UNC5D: variants seen among roughly 807,000 people sequenced by gnomAD.
UNC5D encodes unc-5 netrin receptor D, also known as netrin receptor UNC5D.
In UNC5D, 39 loss-of-function variants were observed where a neutral mutation model predicts 105.4. The ratio of observed to expected loss-of-function variants is 0.37; its 90% confidence interval spans 0.29 to 0.48. UNC5D has a LOEUF of 0.48. Among genes scored for constraint, UNC5D ranks in the 20% least tolerant of loss-of-function variants. The pLI, the probability that UNC5D is intolerant of heterozygous loss-of-function variation, is 0.98. For synonymous variants in UNC5D, 452 were observed against 450.4 expected (o/e 1.00, Z -0.04); for missense variants, 991 against 1,202.4 (o/e 0.82, Z 2.60).
intron 4 of UNC5D, among the ~76,000 whole-genome samples, chr8:35,651,929 G>T (rs1299760779): frequency 1.3e-5 from 2 of 152,108 alleles, no homozygotes; most frequent in Non-Finnish European, 2.9e-5. Context: ...TTGTATCCAG[G>T]TTTCAGATAT....
intron 1 of UNC5D, among the ~76,000 whole-genome samples, chr8:35,387,003 G>T (rs1199737119): frequency 7.8e-6 from 1 of 128,424 alleles, no homozygotes; most frequent in Non-Finnish European, 1.7e-5. Flanking sequence ...ATGATGGATG[G>T]TGAGAAGGAA....
At chr8:35,316,818 T>C (rs776830993) in intron 1 of UNC5D, among the ~76,000 whole-genome samples, 5 of 152,194 alleles carry the variant, frequency 3.3e-5, no homozygotes, top group Non-Finnish European at 7.3e-5. Flanking sequence ...TCATTGCTTA[T>C]ATTACTTTGC....
intron 4 of UNC5D, among the ~76,000 whole-genome samples, chr8:35,606,039 G>A (rs1322434863): frequency 6.6e-6 from 1 of 151,402 alleles, no homozygotes; most frequent in African/African-American, 2.4e-5. Flanking sequence ...CCAGGCTGGA[G>A]TGCAACGGTG....
chr8:35,610,571 C>T (rs1820605387), intron 4 of UNC5D, among the ~76,000 whole-genome samples: 1 of 152,068 alleles, frequency 6.6e-6, no homozygotes, highest in Non-Finnish European at 1.5e-5. Context: ...GGGCAAGGAG[C>T]ACAGGTTTGA....
intron 1 of UNC5D, among the ~76,000 whole-genome samples, chr8:35,398,133 A>T (rs1425698165): frequency 2.0e-5 from 3 of 152,202 alleles, no homozygotes; most frequent in Non-Finnish European, 4.4e-5. Context: ...AAGATAGAGA[A>T]TCACATAATT....
Position 35,722,200 on chromosome 8 carries a change from T to C in UNC5D, c.1118-10T>C. The C allele has an allele frequency of 6.2e-7, 1 of 1,611,416 alleles. No individual in the cohort carries two copies. Among genetic ancestry groups the C allele is most frequent in the Non-Finnish European group, 8.5e-7 (1 of 1,179,050 alleles). The stretch of plus-strand genomic sequence containing the variant: ...TGCTGGTCACTTACAATTTCTCTTG[T>C]GTCTTTCAGGCATTGAGAATGCCAG... On this transcript the variant is annotated splice_polypyrimidine_tract_variant and intron_variant, in intron 8 of 16. Coordinates refer to ENST00000404895, the MANE Select transcript of UNC5D (RefSeq NM_080872.4).
At chr8:35,438,204 G>A (rs560100480) in intron 1 of UNC5D, among the ~76,000 whole-genome samples, 10 of 152,138 alleles carry the variant, frequency 6.6e-5, no homozygotes, top group East Asian at 3.9e-4. Context: ...CCAGACAGAC[G>A]TGGCTTTGAA....
intron 3 of UNC5D, among the ~76,000 whole-genome samples, chr8:35,591,753 G>A (rs1457540209): frequency 6.6e-6 from 1 of 152,150 alleles, no homozygotes; most frequent in Admixed American, 6.6e-5. Context: ...ACTGGGAATA[G>A]AGGAGTGAAA....
Position 35,371,797 on chromosome 8 carries a change from G to T in UNC5D, c.103+135910G>T, listed in dbSNP as rs77679517. ...CTTTTAGTTTTATTTGCCTTGCTGT[G>T]TATTACGGTGTTTCCACATAATGTC... On this transcript the variant is annotated intron_variant, in intron 1 of 16. Coordinates refer to ENST00000404895, the MANE Select transcript of UNC5D (RefSeq NM_080872.4). Among the ~76,000 whole-genome samples the T allele has an allele frequency of 1.4e-3, 212 of 152,256 alleles. 3 individuals are homozygous for T. In the East Asian group the frequency reaches 0.035, roughly 25 times the overall value.
chr8:35,353,498 C>T (rs1379395167), intron 1 of UNC5D, among the ~76,000 whole-genome samples: 1 of 152,118 alleles, frequency 6.6e-6, no homozygotes, highest in African/African-American at 2.4e-5. Flanking sequence ...ATTATTTAAA[C>T]TATGAACCCA....
intron 16 of UNC5D, among the ~76,000 whole-genome samples, chr8:35,787,789 A>G (rs1020291647): frequency 6.6e-6 from 1 of 151,846 alleles, no homozygotes; most frequent in Admixed American, 6.6e-5. Context: ...TGGCTAATTT[A>G]TTTTATTTTT....
chr8:35,687,270 T>C (rs905784553), intron 7 of UNC5D, among the ~76,000 whole-genome samples: 1 of 151,876 alleles, frequency 6.6e-6, no homozygotes, highest in Admixed American at 6.6e-5. Context: ...GGTGAAACCC[T>C]GTCTCTACGA....
At chr8:35,623,924 C>A (rs1390004836) in intron 4 of UNC5D, among the ~76,000 whole-genome samples, 1 of 151,982 alleles carries the variant, frequency 6.6e-6, no homozygotes, top group Non-Finnish European at 1.5e-5. Context: ...ACTAAAGATA[C>A]AAAAAATTAG....
At chr8:35,710,715 A>C (rs1827884247) in intron 8 of UNC5D, among the ~76,000 whole-genome samples, 1 of 152,200 alleles carries the variant, frequency 6.6e-6, no homozygotes, top group South Asian at 2.1e-4. Flanking sequence ...AAGAAAGAAA[A>C]GTAACAGCTC....
At chr8:35,256,536 A>T (rs916484541) in intron 1 of UNC5D, 1 of 152,054 alleles carries the variant, frequency 6.6e-6, no homozygotes, top group African/African-American at 2.4e-5. Flanking sequence ...TCATTGTGCT[A>T]GATGCTTACC....
At chr8:35,315,265 T>C (rs746822410) in intron 1 of UNC5D, among the ~76,000 whole-genome samples, 49 of 152,336 alleles carry the variant, frequency 3.2e-4, no homozygotes, top group Admixed American at 4.6e-4. Context: ...AGACAATCAT[T>C]TACTATTGCT....
chr8:35,670,289 G>T (rs1197325984), intron 4 of UNC5D, among the ~76,000 whole-genome samples: 1 of 152,068 alleles, frequency 6.6e-6, no homozygotes, highest in Non-Finnish European at 1.5e-5. Context: ...ATGATGATAA[G>T]GGGTAAATAT....
In UNC5D at chr8:35,792,474, C is replaced by T. The variant is rs1803087571; in HGVS notation, c.*1911C>T. ...ACTGTCAAGCATATTTTCACAATAC[C>T]ATGTCAAGATCAGGAAAACACCCTT... On this transcript the variant is annotated 3_prime_UTR_variant, in exon 17 of 17. Coordinates refer to ENST00000404895, the MANE Select transcript of UNC5D (RefSeq NM_080872.4). 6.5e-6 allele frequency: 1 copy of T among 153,500 alleles called. No homozygotes were observed. The highest frequency in any genetic ancestry group is 1.4e-5 in the Non-Finnish European group (1 of 69,158). 9.5% of individuals were successfully genotyped at this position (153,500 alleles called of 1,614,324 possible).
intron 1 of UNC5D, among the ~76,000 whole-genome samples, chr8:35,490,552 T>C (rs1339304097): frequency 6.6e-6 from 1 of 151,954 alleles, no homozygotes; most frequent in Non-Finnish European, 1.5e-5. Context: ...AAAAAGAATT[T>C]CGGGCCTTCA....
Sources: gnomAD v4.1 joint callset for allele counts (sites outside exome capture counted in the v4.1 genomes callset) on GRCh38, gnomAD v4.1.1 for gene constraint, MANE v1.5 for transcripts, NCBI Gene and HGNC (gene_info 2026-07-23, HGNC 2026-07-21) for gene names.